OGT: variants seen among roughly 807,000 people sequenced by gnomAD.
The protein encoded by OGT is O-linked N-acetylglucosamine (GlcNAc) transferase, also known as UDP-N-acetylglucosamine--peptide N-acetylglucosaminyltransferase 110 kDa subunit.
OGT carries 3 observed loss-of-function variants against 75.8 expected under a neutral mutation model. The observed-to-expected ratio is 0.04, with a 90% CI of 0.02 to 0.10. The LOEUF (loss-of-function observed/expected upper bound fraction) is 0.10, where lower values mean the gene tolerates loss of function less well. OGT is among the 10% of genes least tolerant of loss of function. The pLI is 1.00. For synonymous variants in OGT, 257 were observed against 289.7 expected, an observed-to-expected ratio of 0.89 and a Z score of 1.15; for missense variants, 260 against 824.4, an observed-to-expected ratio of 0.32 and a Z score of 8.38.
At chrX:71,535,126 T>A (rs1433481281) in intron 1 of OGT, among the ~76,000 whole-genome samples, 1 of 92,272 alleles carries the variant, frequency 1.1e-5, no homozygotes, top group African/African-American at 4.5e-5. Context: ...TGACAAGCAG[T>A]TTTTTTTTTT....
intron 3 of OGT, among the ~76,000 whole-genome samples, chrX:71,543,734 A>ATGTGTG (rs1156448647): frequency 1.3e-4 from 11 of 82,429 alleles, no homozygotes; most frequent in South Asian, 6.9e-4. Flanking sequence ...AATATTTGAG[A>ATGTGTG]TGTGTGTGTG....
intron 4 of OGT, chrX:71,546,485 A>G (rs1403635271): frequency 1.3e-6 from 1 of 752,494 alleles, no homozygotes; most frequent in African/African-American, 2.3e-5. Flanking sequence ...ATGATGAGAA[A>G]TATGGTAACG....
chrX:71,553,557 A>G (rs2040322561), intron 5 of OGT: 1 of 110,831 alleles, frequency 9.0e-6, no homozygotes, highest in African/African-American at 3.3e-5. Context: ...ATCTTGGCTC[A>G]CTGTAACCTC....
At chrX:71,542,580 A>G (rs1163547502) in intron 3 of OGT, among the ~76,000 whole-genome samples, 1 of 112,119 alleles carries the variant, frequency 8.9e-6, no homozygotes, top group African/African-American at 3.2e-5. Context: ...TAATAAAATT[A>G]CGCAACAGCT....
intron 19 of OGT, among the ~76,000 whole-genome samples, chrX:71,566,560 T>C (rs1039258011): frequency 7.1e-5 from 8 of 111,959 alleles, no homozygotes; most frequent in African/African-American, 2.3e-4. Context: ...AACAGCAGCA[T>C]TGGAAATAAC....
intron 21 of OGT, among the ~76,000 whole-genome samples, chrX:71,570,033 GTTTTTTTT>G (rs34416880): frequency 1.1e-4 from 3 of 26,497 alleles, no homozygotes; most frequent in Non-Finnish European, 1.9e-4. Context: ...TGTGCCTGGC[GTTTTTTTT>G]TTTTTTTTTT....
At chrX:71,561,999 T>C (rs1391057936) in intron 15 of OGT, 99 bp downstream of exon 15, 2 of 852,445 alleles carry the variant, frequency 2.3e-6, no homozygotes, top group Non-Finnish European at 3.3e-6. Flanking sequence ...TTTGAAACTG[T>C]AGGGCAGACA....
intron 15 of OGT, 89 bp downstream of exon 15, chrX:71,561,989 T>C (rs1327050553): frequency 2.2e-6 from 2 of 924,483 alleles, no homozygotes; most frequent in African/African-American, 2.0e-5. Flanking sequence ...TTAACTGATA[T>C]TTGAAACTGT....
chrX:71,547,678 TG>T, intron 4 of OGT: 1 of 1,042,545 alleles, frequency 9.6e-7, no homozygotes, highest in East Asian at 3.8e-5. Context: ...CATGGTGGTT[TG>T]CACTTGGGTT....
At position 71,567,751 on chromosome X, in the gene OGT, A is replaced by G. The variant is rs142352068; in HGVS notation, c.2841A>G (p.Pro947=). Residue 947 remains proline, a splice_region_variant and synonymous_variant, in exon 20 of 22, where the codon CCA becomes CCG. Coordinates refer to ENST00000373719, the MANE Select transcript of OGT (RefSeq NM_181672.3). ...CAGGGACCCCCATGGTGACTATGCCAGGTAAGTTGCTGATAAATCACTGGA... is the reference window on the plus strand; with the variant it reads ...CAGGGACCCCCATGGTGACTATGCCGGGTAAGTTGCTGATAAATCACTGGA... The part of the protein sequence containing the change: ...LWAGTPMVTM[P]GETLASRVAA... 8.3e-4 allele frequency: 980 copies of G among 1,183,279 alleles called. 11 individuals carry two copies. The highest frequency in any genetic ancestry group is 2.4e-4 in the Admixed American group (10 of 42,421).
intron 21 of OGT, 49 bp downstream of exon 21, chrX:71,568,165 A>G (rs773372013): frequency 3.8e-6 from 4 of 1,057,871 alleles, no homozygotes; most frequent in Non-Finnish European, 5.1e-6. Flanking sequence ...TAGAGAGAAT[A>G]TAGCTGTTAT....
At chrX:71,564,914 T>TG (rs1447279819) in intron 19 of OGT, among the ~76,000 whole-genome samples, 161 bp downstream of exon 19, 1 of 112,291 alleles carries the variant, frequency 8.9e-6, no homozygotes, top group African/African-American at 3.2e-5. Flanking sequence ...CCCAGCACTT[T>TG]GGGAGGCTGA....
At chrX:71,571,775 T>A (rs1430135489) in intron 21 of OGT, among the ~76,000 whole-genome samples, 2 of 110,801 alleles carry the variant, frequency 1.8e-5, no homozygotes, top group South Asian at 3.8e-4. Context: ...ATAACCCTTT[T>A]TTTTTTCGTT....
In OGT at chrX:71,557,269, T is replaced by G. The variant is rs1257337610; in HGVS notation, c.1395T>G (p.Ala465=). 1 of 1,204,535 alleles carries G rather than the reference T, an allele frequency of 8.3e-7. No homozygotes were observed. Among genetic ancestry groups the G allele is most frequent in the South Asian group, 1.8e-5 (1 of 56,039 alleles). The change falls in exon 11 of 22, where the codon GCT becomes GCG. Residue 465 remains alanine, a synonymous_variant. Coordinates refer to ENST00000373719, the MANE Select transcript of OGT (RefSeq NM_181672.3). ...ALKLKPDFPD[A]YCNLAHCLQI... ...AACTTAAGCCTGATTTTCCTGATGC[T>G]TATTGTAACTTGGCTCATTGCCTGC...
chrX:71,533,429 C>G, intron 1 of OGT, 93 bp downstream of exon 1: 1 of 815,953 alleles, frequency 1.2e-6, no homozygotes, highest in Admixed American at 2.6e-5. Context: ...TTCCCTCGAA[C>G]CATCCCCATT....
At chrX:71,542,915 A>T (rs1168900380) in intron 3 of OGT, among the ~76,000 whole-genome samples, 2 of 112,052 alleles carry the variant, frequency 1.8e-5, no homozygotes, top group East Asian at 5.6e-4. Flanking sequence ...GGTACCTTTG[A>T]TGTTTTGAGG....
Position 71,573,886 on chromosome X carries a change from C to CAGT in OGT, c.*94_*96dup. ...ATAACATACTTCTTACTTGTCTGTA[C>CAGT]AGTACCTTGTTGCAGATGGGTGATA... is the stretch of plus-strand genomic sequence containing the variant. On this transcript the variant is annotated 3_prime_UTR_variant, in exon 22 of 22. Transcript: ENST00000373719. The CAGT allele has an allele frequency of 1.5e-6, 1 of 676,170 alleles. No homozygotes were observed. 55.7% of individuals were successfully genotyped at this position (676,170 alleles called of 1,213,427 possible).
intron 5 of OGT, among the ~76,000 whole-genome samples, chrX:71,552,079 C>A (rs1399652262): frequency 9.3e-6 from 1 of 107,721 alleles, no homozygotes. Context: ...CAGCTGGGTG[C>A]GGTGCGGTGG....
intron 3 of OGT, among the ~76,000 whole-genome samples, chrX:71,542,040 A>G (rs1440559654): frequency 1.8e-5 from 2 of 111,515 alleles, no homozygotes; most frequent in African/African-American, 6.5e-5. Flanking sequence ...ATTCTTTACT[A>G]CTGAGTGGGC....
Sources: gnomAD v4.1 joint callset for allele counts (sites outside exome capture counted in the v4.1 genomes callset) on GRCh38, gnomAD v4.1.1 for gene constraint, MANE v1.5 for transcripts, NCBI Gene and HGNC (gene_info 2026-07-23, HGNC 2026-07-21) for gene names.